The following CD5 variants were observed in gnomAD, a reference collection of about 807,000 sequenced individuals.
CD5 encodes T-cell surface glycoprotein CD5.
In CD5, 36 loss-of-function variants were observed where a neutral mutation model predicts 60.3. The observed-to-expected ratio is 0.60, with a 90% CI of 0.46 to 0.79. CD5 has a LOEUF of 0.79. Ranked by LOEUF, CD5 falls within the 30% of genes least tolerant of loss-of-function variation. The pLI, the probability that CD5 is intolerant of heterozygous loss-of-function variation, is 0.00. For missense variants in CD5, 540 were observed against 630.6 expected (o/e 0.86, Z 1.54); for synonymous variants, 230 against 257.6 (o/e 0.89, Z 1.03).
At chr11:61,102,837 C>A (rs1590764501) in intron 1 of CD5, among the ~76,000 whole-genome samples, 1 of 152,224 alleles carries the variant, frequency 6.6e-6, no homozygotes, top group African/African-American at 2.4e-5. Flanking sequence ...TTGCCTCTCT[C>A]ATGCGCTGTT....
chr11:61,099,705 T>C (rs1419881957), upstream of CD5, among the ~76,000 whole-genome samples: 10 of 132,298 alleles, frequency 7.6e-5, no homozygotes, highest in East Asian at 4.6e-4. Context: ...ACATGGAGAT[T>C]ACACACACAT....
intron 10 of CD5, among the ~76,000 whole-genome samples, chr11:61,126,061 T>C (rs1020167920): frequency 1.6e-4 from 25 of 152,210 alleles, no homozygotes; most frequent in Non-Finnish European, 2.9e-5. Flanking sequence ...ACTTTAACAA[T>C]CAACTCTTAA....
chr11:61,119,457 A>C lies in CD5; in HGVS notation c.687A>C (p.Glu229Asp). The C allele has an allele frequency of 1.9e-6, 3 of 1,614,226 alleles. No homozygotes were observed. The highest frequency in any genetic ancestry group is 2.5e-6 in the Non-Finnish European group (3 of 1,180,030). ...CCCAAGACCCAGGGGAGCCACGGGA[A>C]CACCAGCCCTTGCCAATCCAATGGA... is the stretch of plus-strand genomic sequence containing the variant. ...GRAQDPGEPR[E>D]HQPLPIQWKI... The change falls in exon 5 of 11, where the codon GAA becomes GAC. Residue 229 changes from glutamate (E) to aspartate (D), a missense_variant. Glu to Asp is a conservative substitution (Grantham distance 45, BLOSUM62 2). Transcript: ENST00000347785.
chr11:61,110,784 T>C (rs1272231855), intron 1 of CD5, among the ~76,000 whole-genome samples: 1 of 152,202 alleles, frequency 6.6e-6, no homozygotes, highest in Non-Finnish European at 1.5e-5. Flanking sequence ...ACCTACTTCA[T>C]AGCACTGTGG....
chr11:61,097,367 A>G, the CD5 span, among the ~76,000 whole-genome samples: 4 of 152,236 alleles, frequency 2.6e-5, no homozygotes, highest in African/African-American at 9.6e-5. Context: ...GAGAAGGAAA[A>G]GAATTCACTC....
Position 61,118,478 on chromosome 11 carries a change from TAGGTGGGTAACTAGCC to T in CD5, c.400+1_400+16del. The T allele has an allele frequency of 1.9e-6, 3 of 1,612,416 alleles. No individual in the cohort carries two copies. The highest frequency in any genetic ancestry group is 2.5e-6 in the Non-Finnish European group (3 of 1,178,612). ...TGTCACTCTCTGGGCCTGACCTGCTTAGGTGGGTAACTAGCCAGCCACACGGGCACCCTGGGCCTGG... is the reference window on the plus strand; with the variant it reads ...TGTCACTCTCTGGGCCTGACCTGCTTAGCCACACGGGCACCCTGGGCCTGG... On this transcript the variant is annotated splice_donor_variant and splice_donor_5th_base_variant and coding_sequence_variant and intron_variant, in exon 3 of 11. Coordinates refer to ENST00000347785, the MANE Select transcript of CD5 (RefSeq NM_014207.4). LOFTEE classifies it high-confidence loss of function. This position sits in a 1 kb window ranked among gnomAD's most constrained non-coding sequence, Gnocchi z 4.7.
chr11:61,100,825 T>C (rs1260287491), upstream of CD5, among the ~76,000 whole-genome samples: 15 of 74,814 alleles, frequency 2.0e-4, no homozygotes, highest in South Asian at 5.1e-4. Flanking sequence ...ACATGGAGAT[T>C]ACACACACAT....
chr11:61,119,051 A>C, intron 4 of CD5, 74 bp downstream of exon 4: 1 of 1,340,854 alleles, frequency 7.5e-7, no homozygotes, highest in Admixed American at 2.0e-5. Context: ...GTTACATTGG[A>C]ATTTCTGACA....
In CD5 at chr11:61,122,899, T is replaced by C. The variant is rs2134611108; in HGVS notation, c.1100-8T>C. 6.2e-7 allele frequency: 1 copy of C among 1,609,320 alleles called. No individual in the cohort carries two copies. The highest frequency in any genetic ancestry group is 8.5e-7 in the Non-Finnish European group (1 of 1,176,576). ...CTGGGACTGACCTAACTCTTCCTCCTTCCCCAGGCCAGGATCCAAACCCCG... is the reference window on the plus strand; with the variant it reads ...CTGGGACTGACCTAACTCTTCCTCCCTCCCCAGGCCAGGATCCAAACCCCG... On this transcript the variant is annotated splice_polypyrimidine_tract_variant and splice_region_variant and intron_variant, in intron 6 of 10. Transcript: ENST00000347785.
chr11:61,122,248 GAAGT>G (rs1388658274), intron 6 of CD5, among the ~76,000 whole-genome samples: 1 of 144,428 alleles, frequency 6.9e-6, no homozygotes, highest in Non-Finnish European at 1.5e-5. Flanking sequence ...AACTAAACGG[GAAGT>G]AAAAGAGAGA....
In CD5 at chr11:61,118,201, AACT is replaced by A. The variant is rs777739167; in HGVS notation, c.122_124del (p.Asn41_Ser42delinsThr). ...TTTCCAGGCAAGGCTCACCCGTTCC[AACT>A]CGAAGTGCCAGGGCCAGCTGGAGGT... On this transcript the variant is annotated inframe_deletion, in exon 3 of 11. Transcript: ENST00000347785. This position sits in a 1 kb window ranked among gnomAD's most constrained non-coding sequence, Gnocchi z 4.7. 1.2e-6 allele frequency: 2 copies of A among 1,614,108 alleles called. No homozygotes were observed. The highest frequency in any genetic ancestry group is 2.2e-5 in the South Asian group (2 of 91,080).
intron 1 of CD5, among the ~76,000 whole-genome samples, chr11:61,113,331 A>G (rs1196584463): frequency 2.6e-5 from 4 of 152,222 alleles, no homozygotes; most frequent in Admixed American, 6.5e-5. Flanking sequence ...CCTCTTCCCC[A>G]GCCACAGATG....
At chr11:61,095,458 T>A in the CD5 span, among the ~76,000 whole-genome samples, 3 of 152,206 alleles carry the variant, frequency 2.0e-5, no homozygotes, top group East Asian at 5.8e-4. Flanking sequence ...CAAGCTTTAA[T>A]TGACTTGCTC....
At chr11:61,101,794 A>C (rs543386), upstream of CD5, among the ~76,000 whole-genome samples, 2 of 152,034 alleles carry the variant, frequency 1.3e-5, no homozygotes, top group African/African-American at 2.4e-5. Context: ...CAACATGGAG[A>C]TCACACACAC....
At chr11:61,106,536 G>A (rs1043092667) in intron 1 of CD5, among the ~76,000 whole-genome samples, 16 of 152,164 alleles carry the variant, frequency 1.1e-4, no homozygotes, top group Non-Finnish European at 2.4e-4. Context: ...AGGGACCTGG[G>A]GGCCCAGGAA....
At chr11:61,123,811 A>AAGCCCCCCC in intron 7 of CD5, 73 bp from the exon 8 acceptor site, 1 of 262,112 alleles carries the variant, frequency 3.8e-6, no homozygotes, top group East Asian at 9.3e-5. Flanking sequence ...GCCCAGCCCC[A>AAGCCCCCCC]TCCCCACCCC....
chr11:61,104,453 G>A (rs912600917), intron 1 of CD5, among the ~76,000 whole-genome samples: 5 of 152,118 alleles, frequency 3.3e-5, no homozygotes, highest in African/African-American at 7.2e-5. Flanking sequence ...GAGATAGGGC[G>A]GCTCCCAGCT....
chr11:61,110,866 A>AGTGATGGTGATGATGATGGTGACG (rs1475082607), intron 1 of CD5, among the ~76,000 whole-genome samples: 1 of 152,068 alleles, frequency 6.6e-6, no homozygotes, highest in Non-Finnish European at 1.5e-5. Flanking sequence ...TGATGGTGAC[A>AGTGATGGTGATGATGATGGTGACG]GTGATGGTGA....
chr11:61,106,890 G>A (rs977718740), intron 1 of CD5, among the ~76,000 whole-genome samples: 3 of 152,144 alleles, frequency 2.0e-5, no homozygotes, highest in Non-Finnish European at 4.4e-5. Context: ...ATTACATCGG[G>A]TTTATTCAGA....
Sources: gnomAD v4.1 joint callset for allele counts (sites outside exome capture counted in the v4.1 genomes callset) on GRCh38, gnomAD v4.1.1 for gene constraint, Gnocchi (gnomAD v3.1) non-coding constraint, MANE v1.5 for transcripts, NCBI Gene and HGNC (gene_info 2026-07-23, HGNC 2026-07-21) for gene names.